The following BCL2L1 variants were observed in gnomAD, a reference collection of about 807,000 sequenced individuals.
BCL2L1 encodes the protein BCL2 like 1.
A neutral mutation model predicts 18.7 loss-of-function variants in BCL2L1; 1 was observed. The ratio of observed to expected loss-of-function variants is 0.05; its 90% CI spans 0.02 to 0.25. The LOEUF is 0.25. Ranked by LOEUF, BCL2L1 falls within the 10% of genes least tolerant of loss-of-function variation. BCL2L1 has a pLI of 1.00. For synonymous variants in BCL2L1, 103 were observed against 122.7 expected (o/e 0.84, Z 1.06); for missense variants, 207 against 304.9 (o/e 0.68, Z 2.39).
At chr20:31,668,104 T>G (rs2060613544) in intron 2 of BCL2L1, among the ~76,000 whole-genome samples, 1 of 152,122 alleles carries the variant, frequency 6.6e-6, no homozygotes, top group Admixed American at 6.5e-5. Flanking sequence ...GCCTCCTTGC[T>G]GTTCCTCCAA....
At chr20:31,718,347 G>A (rs2061571666) in intron 2 of BCL2L1, among the ~76,000 whole-genome samples, 1 of 152,132 alleles carries the variant, frequency 6.6e-6, no homozygotes, top group Admixed American at 6.5e-5. Flanking sequence ...GGCCTGAGAG[G>A]GTTTTAACAA....
At position 31,664,873 on chromosome 20, in the gene BCL2L1, GGCAGCCTGGCT is replaced by G. The variant is rs1194212485; in HGVS notation, c.*1065_*1075del. The G allele has an allele frequency of 1.4e-5, 3 of 218,344 alleles. No homozygotes were observed. Among genetic ancestry groups the G allele is most frequent in the African/African-American group, 2.3e-5 (1 of 44,306 alleles). The allele number at this position is 218,344 out of a possible 1,614,324, so 13.5% of individuals were successfully genotyped here. ...CTCCTGGCCAGGCCACTCTGGCCTTGGCAGCCTGGCTGCCCAGGCTGGACAGGCATGGGGCA... is the reference window on the plus strand; with the variant it reads ...CTCCTGGCCAGGCCACTCTGGCCTTGGCCCAGGCTGGACAGGCATGGGGCA... On this transcript the variant is annotated 3_prime_UTR_variant, in exon 3 of 3. Transcript: ENST00000307677.
intron 2 of BCL2L1, among the ~76,000 whole-genome samples, chr20:31,688,630 A>G (rs768566473): frequency 2.6e-5 from 4 of 152,144 alleles, no homozygotes; most frequent in Non-Finnish European, 2.9e-5. Context: ...CCAAGTACAC[A>G]TACCCTTGGC....
chr20:31,721,954 C>T lies in BCL2L1; in HGVS notation c.265G>A (p.Ala89Thr), dbSNP rs996600059. ...EVIPMAAVKQ[A>T]LREAGDEFEL... ...AACTCGTCGCCTGCCTCCCTCAGCG[C>T]TTGCTTTACTGCTGCCATGGGGATC... is the stretch of plus-strand genomic sequence containing the variant. Residue 89 changes from alanine to threonine, a missense_variant, in exon 2 of 3, where the codon GCG (alanine) becomes ACG (threonine). Coordinates refer to ENST00000307677, the MANE Select transcript of BCL2L1 (RefSeq NM_138578.3). 6.2e-7 allele frequency: 1 copy of T among 1,614,084 alleles called. No homozygotes were observed. The highest frequency in any genetic ancestry group is 1.3e-5 in the African/African-American group (1 of 74,912).
Position 31,664,545 on chromosome 20 carries a change from G to A in BCL2L1, c.*1404C>T, listed in dbSNP as rs1325159273. 2 of 193,882 alleles carry A rather than the reference G, an allele frequency of 1.0e-5. No individual in the cohort carries two copies. Among genetic ancestry groups the A allele is most frequent in the Non-Finnish European group, 2.2e-5 (2 of 92,694 alleles). The allele number at this position is 193,882 out of a possible 1,614,324, so 12.0% of individuals were successfully genotyped here. ...AGAGCTGGAACAAGTGTGGGGTGGG[G>A]GTTGGGGGAGGGGCAGATGCCCCTC... On this transcript the variant is annotated 3_prime_UTR_variant, in exon 3 of 3. Coordinates refer to ENST00000307677, the MANE Select transcript of BCL2L1 (RefSeq NM_138578.3).
Position 31,721,816 on chromosome 20 carries a change from C to T in BCL2L1, c.403G>A (p.Val135Ile), listed in dbSNP as rs2122873511. Reference protein sequence around the residue: ...QVVNELFRDGVNWGRIVAFFS... With the variant: ...QVVNELFRDGINWGRIVAFFS... ...AAGGCCACAATGCGACCCCAGTTTA[C>T]CCCATCCCGGAAGAGTTCATTCACT... The change falls in exon 2 of 3, where the codon GTA becomes ATA. Residue 135 changes from valine (V) to isoleucine (I), a missense_variant. Coordinates refer to ENST00000307677, the MANE Select transcript of BCL2L1 (RefSeq NM_138578.3). 6.2e-7 allele frequency: 1 copy of T among 1,614,214 alleles called. No homozygotes were observed.
chr20:31,696,515 CACTT>C (rs1361984901), intron 2 of BCL2L1, among the ~76,000 whole-genome samples: 1 of 152,176 alleles, frequency 6.6e-6, no homozygotes, highest in Non-Finnish European at 1.5e-5. Context: ...TACTCTAGGG[CACTT>C]ACTTCTAGGT....
chr20:31,665,733 T>C lies in BCL2L1; in HGVS notation c.*216A>G. On this transcript the variant is annotated 3_prime_UTR_variant, in exon 3 of 3. Transcript: ENST00000307677. The stretch of plus-strand genomic sequence containing the variant: ...ACAGATTTTGTGGAAATTTTGTGAA[T>C]TCTGAGGCCAAGGGAACTGAGGTGT... 1 of 645,976 alleles carries C rather than the reference T, an allele frequency of 1.5e-6. No homozygotes were observed. The allele number at this position is 645,976 out of a possible 1,614,324, so 40.0% of individuals were successfully genotyped here.
At chr20:31,696,493 C>T (rs1179024787) in intron 2 of BCL2L1, among the ~76,000 whole-genome samples, 1 of 152,122 alleles carries the variant, frequency 6.6e-6, no homozygotes, top group African/African-American at 2.4e-5. Flanking sequence ...CAGTTGAAAC[C>T]CAGGTTCGGT....
At chr20:31,666,766 G>C (rs1039349104) in intron 2 of BCL2L1, among the ~76,000 whole-genome samples, 3 of 152,044 alleles carry the variant, frequency 2.0e-5, no homozygotes, top group African/African-American at 7.2e-5. Flanking sequence ...CCTCCATCAC[G>C]GGGTCTGTGA....
At chr20:31,704,911 G>C (rs1266545856) in intron 2 of BCL2L1, among the ~76,000 whole-genome samples, 2 of 152,230 alleles carry the variant, frequency 1.3e-5, no homozygotes, top group Non-Finnish European at 2.9e-5. Context: ...ATATTAATGA[G>C]TTTTATGAGT....
intron 2 of BCL2L1, among the ~76,000 whole-genome samples, chr20:31,705,201 T>C (rs2061352746): frequency 6.6e-6 from 1 of 152,210 alleles, no homozygotes; most frequent in Non-Finnish European, 1.5e-5. Flanking sequence ...CCTACCTGAG[T>C]GGTACTATTT....
chr20:31,715,227 G>A (rs1446230804), intron 2 of BCL2L1, among the ~76,000 whole-genome samples: 25 of 150,324 alleles, frequency 1.7e-4, no homozygotes, highest in Non-Finnish European at 2.5e-4. Context: ...AGCAGAGATC[G>A]TGCCACTGCA....
chr20:31,674,893 A>G (rs909446545), intron 2 of BCL2L1, among the ~76,000 whole-genome samples: 22 of 150,174 alleles, frequency 1.5e-4, no homozygotes, highest in African/African-American at 5.1e-4. Flanking sequence ...AAAAAAAAAA[A>G]GGGAAGCCAT....
chr20:31,714,942 C>A (rs1358227345), intron 2 of BCL2L1, among the ~76,000 whole-genome samples: 1 of 152,150 alleles, frequency 6.6e-6, no homozygotes, highest in Non-Finnish European at 1.5e-5. Flanking sequence ...CTGGCAATTG[C>A]ACCAGCCTCT....
At chr20:31,702,332 T>C (rs977996201) in intron 2 of BCL2L1, among the ~76,000 whole-genome samples, 6 of 152,022 alleles carry the variant, frequency 3.9e-5, no homozygotes, top group African/African-American at 1.2e-4. Context: ...CCTCAGAGGT[T>C]GGTAAGAAGT....
intron 2 of BCL2L1, among the ~76,000 whole-genome samples, chr20:31,685,204 C>T (rs1324909330): frequency 6.6e-6 from 1 of 151,972 alleles, no homozygotes; most frequent in African/African-American, 2.4e-5. Context: ...AGATCAAGAC[C>T]ATCCTGGCTA....
At chr20:31,709,703 C>T (rs559697213) in intron 2 of BCL2L1, among the ~76,000 whole-genome samples, 1 of 151,486 alleles carries the variant, frequency 6.6e-6, no homozygotes, top group Non-Finnish European at 1.5e-5. Context: ...GGCCTGGTGG[C>T]GGGCACCTGT....
rs1309042682 is a variant in BCL2L1, at chr20:31,664,556, G to C, written c.*1393C>G. 1 of 197,702 alleles carries C rather than the reference G, an allele frequency of 5.1e-6. No individual in the cohort carries two copies. Among genetic ancestry groups the C allele is most frequent in the South Asian group, 1.9e-4 (1 of 5,206 alleles). 12.2% of individuals were successfully genotyped at this position (197,702 alleles called of 1,614,324 possible). A position where few individuals can be genotyped will look rare whatever the true frequency, so the allele number is the denominator to read the frequency against. On this transcript the variant is annotated 3_prime_UTR_variant, in exon 3 of 3. Transcript: ENST00000307677. ...AAGTGTGGGGTGGGGGTTGGGGGAG[G>C]GGCAGATGCCCCTCAGGAGCCAGGA...
Sources: gnomAD v4.1 joint callset for allele counts (sites outside exome capture counted in the v4.1 genomes callset) on GRCh38, gnomAD v4.1.1 for gene constraint, MANE v1.5 for transcripts, NCBI Gene and HGNC (gene_info 2026-07-23, HGNC 2026-07-21) for gene names.